TRABD2A: variants seen among roughly 807,000 people sequenced by gnomAD.
The protein encoded by TRABD2A is TraB domain containing 2A, also known as metalloprotease TIKI1.
A neutral mutation model predicts 45.6 loss-of-function variants in TRABD2A; 43 were observed. That is an observed-to-expected ratio of 0.94 (90% CI 0.74 to 1.22). The LOEUF is 1.22. TRABD2A is among the 50% of genes most tolerant of loss of function. TRABD2A has a pLI of 0.00. For missense variants in TRABD2A, 642 were observed against 652.4 expected, an observed-to-expected ratio of 0.98 and a Z score of 0.17; for synonymous variants, 269 against 265.0, an observed-to-expected ratio of 1.02 and a Z score of -0.15.
At chr2:84,864,170 C>T (rs1036016101) in intron 2 of TRABD2A, among the ~76,000 whole-genome samples, 11 of 152,026 alleles carry the variant, frequency 7.2e-5, no homozygotes, top group African/African-American at 1.2e-4. Flanking sequence ...TTCAGAATTC[C>T]GAGCTAAGGA....
intron 4 of TRABD2A, chr2:84,834,809 G>T (rs1206482444): frequency 6.6e-6 from 1 of 152,046 alleles, no homozygotes; most frequent in African/African-American, 2.4e-5. Context: ...AGTTGGATTG[G>T]TTCCACTTTT....
At position 84,870,393 on chromosome 2, in the gene TRABD2A, C is replaced by G; in HGVS notation, c.501G>C (p.Trp167Cys). Reference sequence around the variant, plus strand: ...TCAGGGAGTTGACCATGAGCATCACCCAGACAGGCCTCTTGCGCTCCCAGT... The same window carrying G: ...TCAGGGAGTTGACCATGAGCATCACGCAGACAGGCCTCTTGCGCTCCCAGT... ...AGNWERKRPV[W>C]VMLMVNSLTE... The change falls in exon 2 of 7, where the codon TGG becomes TGC. Residue 167 changes from tryptophan to cysteine, a missense_variant. By Grantham distance (215) the Trp-to-Cys change is radical. Coordinates refer to ENST00000409520, the MANE Select transcript of TRABD2A (RefSeq NM_001277053.2). The G allele has an allele frequency of 1.2e-6, 2 of 1,614,028 alleles. No individual in the cohort carries two copies. Among genetic ancestry groups the G allele is most frequent in the Non-Finnish European group, 1.7e-6 (2 of 1,179,896 alleles).
chr2:84,856,712 G>A (rs113754986), intron 2 of TRABD2A, among the ~76,000 whole-genome samples: 11 of 152,124 alleles, frequency 7.2e-5, no homozygotes, highest in Admixed American at 3.9e-4. Context: ...GGACACCCCC[G>A]AAGTCTTCTG....
At position 84,870,738 on chromosome 2, in the gene TRABD2A, T is replaced by A; in HGVS notation, c.156A>T (p.Pro52=). 1 of 1,599,652 alleles carries A rather than the reference T, an allele frequency of 6.3e-7. No homozygotes were observed. Among genetic ancestry groups the A allele is most frequent in the Non-Finnish European group, 8.5e-7 (1 of 1,173,060 alleles). ...CATGGATTGTGCCAAAGAAGTAAGA[T>A]GGTGGGTCTCGCTTAATGGTCCACA... is the stretch of plus-strand genomic sequence containing the variant. ...SFLWTIKRDP[P]SYFFGTIHVP... is the part of the protein sequence containing the mutation. The change falls in exon 2 of 7, where the codon CCA becomes CCT. Residue 52 remains proline, a synonymous_variant. Coordinates refer to ENST00000409520, the MANE Select transcript of TRABD2A (RefSeq NM_001277053.2).
chr2:84,839,301 G>T lies in TRABD2A; in HGVS notation c.839C>A (p.Thr280Lys). The T allele has an allele frequency of 6.2e-7, 1 of 1,609,940 alleles. No homozygotes were observed. The highest frequency in any genetic ancestry group is 8.5e-7 in the Non-Finnish European group (1 of 1,178,424). ...SSQVPNFINA[T>K]LPPQERITAQ... ...AGTGATGCGCTCCTGAGGTGGTAGC[G>T]TGGCATTAATAAAATTGGGAACCTC... Residue 280 changes from threonine to lysine, a missense_variant, in exon 4 of 7, where the codon ACG (threonine) becomes AAG (lysine). Transcript: ENST00000409520.
intron 2 of TRABD2A, among the ~76,000 whole-genome samples, chr2:84,863,239 C>CTTTTT (rs773927512): frequency 3.3e-4 from 32 of 98,136 alleles, no homozygotes; most frequent in Non-Finnish European, 4.1e-4. Flanking sequence ...TCATGTGAAT[C>CTTTTT]TTTTTTTTTT....
intron 2 of TRABD2A, among the ~76,000 whole-genome samples, chr2:84,858,835 G>T (rs1682400783): frequency 6.6e-6 from 1 of 152,196 alleles, no homozygotes; most frequent in African/African-American, 2.4e-5. Context: ...TGGGGTGGTT[G>T]ATTCCCATTT....
chr2:84,829,388 ACACACACACAC>A (rs1681246569), intron 5 of TRABD2A, among the ~76,000 whole-genome samples: 2 of 121,464 alleles, frequency 1.6e-5, no homozygotes, highest in South Asian at 4.9e-4. Flanking sequence ...ACACACACAC[ACACACACACAC>A]CACACACACC....
At chr2:84,831,670 TG>T (rs759878643) in intron 5 of TRABD2A, among the ~76,000 whole-genome samples, 3 of 152,154 alleles carry the variant, frequency 2.0e-5, no homozygotes, top group Non-Finnish European at 4.4e-5. Context: ...ACCACTGTCA[TG>T]GCCCGATTTT....
At chr2:84,848,295 T>C (rs1208855312) in intron 2 of TRABD2A, among the ~76,000 whole-genome samples, 2 of 148,980 alleles carry the variant, frequency 1.3e-5, no homozygotes, top group Non-Finnish European at 3.0e-5. Flanking sequence ...ACACATTGTA[T>C]CTCTTTCCAT....
chr2:84,864,668 A>AC (rs996797756), intron 2 of TRABD2A, among the ~76,000 whole-genome samples: 3 of 151,410 alleles, frequency 2.0e-5, no homozygotes, highest in African/African-American at 4.9e-5. Context: ...CTGCTGGCTG[A>AC]CCCCCCACAA....
intron 2 of TRABD2A, among the ~76,000 whole-genome samples, chr2:84,860,447 G>A (rs962665598): frequency 4.6e-5 from 7 of 152,236 alleles, no homozygotes; most frequent in African/African-American, 1.7e-4. Context: ...AAGTCAAGGA[G>A]AGAGGCCTTG....
At chr2:84,839,087 C>T (rs1187748661) in intron 4 of TRABD2A, 62 bp downstream of exon 4, 1 of 1,589,018 alleles carries the variant, frequency 6.3e-7, no homozygotes, top group Non-Finnish European at 8.6e-7. Context: ...CTCACCTCAA[C>T]ATTCCCTTCT....
At chr2:84,852,426 C>T (rs1162994742) in intron 2 of TRABD2A, among the ~76,000 whole-genome samples, 1 of 151,848 alleles carries the variant, frequency 6.6e-6, no homozygotes, top group East Asian at 1.9e-4. Context: ...GCCAGCATGA[C>T]CATGGGATTG....
intron 2 of TRABD2A, among the ~76,000 whole-genome samples, chr2:84,862,290 G>A (rs735797): frequency 0.17 from 26,123 of 152,208 alleles, 2,671 homozygotes; most frequent in African/African-American, 0.29. Flanking sequence ...TGAAGAATTC[G>A]TGTTCTCACT....
At chr2:84,865,065 C>G (rs1041013267) in intron 2 of TRABD2A, among the ~76,000 whole-genome samples, 76 of 152,208 alleles carry the variant, frequency 5.0e-4, no homozygotes, top group African/African-American at 1.7e-3. Context: ...GAGAATCATC[C>G]TGGAGCCATC....
At chr2:84,867,685 A>G (rs1241287595) in intron 2 of TRABD2A, among the ~76,000 whole-genome samples, 1 of 152,252 alleles carries the variant, frequency 6.6e-6, no homozygotes, top group African/African-American at 2.4e-5. Flanking sequence ...CAATCTACTT[A>G]TCTGACAAAG....
intron 2 of TRABD2A, among the ~76,000 whole-genome samples, chr2:84,868,725 C>A (rs572569238): frequency 6.6e-6 from 1 of 152,274 alleles, no homozygotes; most frequent in Admixed American, 6.5e-5. Context: ...TTCAAAGATA[C>A]CTTGCTTGAG....
intron 1 of TRABD2A, among the ~76,000 whole-genome samples, chr2:84,879,804 G>A (rs536859243): frequency 6.6e-6 from 1 of 152,192 alleles, no homozygotes; most frequent in Non-Finnish European, 1.5e-5. Flanking sequence ...GCCTTACAGA[G>A]GCGAACACCG....
Sources: gnomAD v4.1 joint callset for allele counts (sites outside exome capture counted in the v4.1 genomes callset) on GRCh38, gnomAD v4.1.1 for gene constraint, MANE v1.5 for transcripts, NCBI Gene and HGNC (gene_info 2026-07-23, HGNC 2026-07-21) for gene names.